GRIK4: variants seen among roughly 807,000 people sequenced by gnomAD.
GRIK4 encodes glutamate ionotropic receptor kainate type subunit 4.
A neutral mutation model predicts 104.9 loss-of-function variants in GRIK4; 40 were observed. The ratio of observed to expected loss-of-function variants is 0.38; its 90% CI spans 0.30 to 0.50. The LOEUF (loss-of-function observed/expected upper bound fraction) is 0.50, where lower values mean the gene tolerates loss of function less well. Among genes scored for constraint, GRIK4 ranks in the 20% least tolerant of loss-of-function variants. The pLI, the probability that GRIK4 is intolerant of heterozygous loss-of-function variation, is 0.93. For synonymous variants in GRIK4, 485 were observed against 524.9 expected, an observed-to-expected ratio of 0.92 and a Z score of 1.04; for missense variants, 1,047 against 1,308.1, an observed-to-expected ratio of 0.80 and a Z score of 3.08.
rs949123125 is a variant in GRIK4 at position 120,517,572 on chromosome 11, G to A, written c.-159+5685G>A. ...GAGGGTGATAGCTGTGCTACGCTGC[G>A]GGGTGTTGGGAGAGAGGACGCAGAT... On this transcript the variant is annotated intron_variant, in intron 1 of 20. Transcript: ENST00000527524. Among the ~76,000 whole-genome samples, 12 of 130,230 alleles carry A rather than the reference G, an allele frequency of 9.2e-5. 1 individual carries two copies. Among genetic ancestry groups the A allele is most frequent in the African/African-American group, 3.9e-4 (12 of 30,690 alleles). The allele number at this position is 130,230 out of a possible 152,430, so 85.4% of individuals were successfully genotyped here. A position where few individuals can be genotyped will look rare whatever the true frequency, so the allele number is the denominator to read the frequency against.
intron 13 of GRIK4, among the ~76,000 whole-genome samples, chr11:120,920,815 C>T (rs530722913): frequency 5.5e-4 from 84 of 151,766 alleles, no homozygotes; most frequent in Non-Finnish European, 1.1e-3. Context: ...CTTCAATGAG[C>T]ATAAACATTT....
chr11:120,846,711 G>C (rs2135591858), intron 8 of GRIK4, among the ~76,000 whole-genome samples: 1 of 152,312 alleles, frequency 6.6e-6, no homozygotes, highest in East Asian at 1.9e-4. Flanking sequence ...CTGACTGTGT[G>C]ATCTTGGACA....
At chr11:120,930,832 A>G (rs1943467412) in intron 13 of GRIK4, among the ~76,000 whole-genome samples, 1 of 151,950 alleles carries the variant, frequency 6.6e-6, no homozygotes, top group Non-Finnish European at 1.5e-5. Flanking sequence ...CTGGGAGAGG[A>G]GTGATGGAGA....
At chr11:120,814,937 G>A (rs1052478871) in intron 4 of GRIK4, among the ~76,000 whole-genome samples, 3 of 151,970 alleles carry the variant, frequency 2.0e-5, no homozygotes, top group African/African-American at 4.8e-5. Context: ...TCATACCCCC[G>A]CCTGCCTGCC....
At chr11:120,725,202 T>C (rs1039910061) in intron 3 of GRIK4, among the ~76,000 whole-genome samples, 4 of 152,232 alleles carry the variant, frequency 2.6e-5, no homozygotes, top group Admixed American at 1.3e-4. Context: ...CATTGCTCTT[T>C]ACAAGAGTTA....
At chr11:120,564,570 T>A (rs1210517439) in intron 1 of GRIK4, 1 of 152,288 alleles carries the variant, frequency 6.6e-6, no homozygotes, top group Non-Finnish European at 1.5e-5. Flanking sequence ...GCTCCCGGCC[T>A]CTCCCTGGGG....
intron 1 of GRIK4, among the ~76,000 whole-genome samples, chr11:120,605,363 G>C (rs1478001065): frequency 1.3e-5 from 2 of 152,236 alleles, no homozygotes; most frequent in Non-Finnish European, 2.9e-5. Context: ...CCCTCTCCAA[G>C]TGTACAGAAT....
chr11:120,693,174 G>T (rs1473337233), intron 3 of GRIK4, among the ~76,000 whole-genome samples: 3 of 149,788 alleles, frequency 2.0e-5, no homozygotes, highest in African/African-American at 4.9e-5. Flanking sequence ...GTGCAATCTT[G>T]GCTTACTGCA....
chr11:120,897,306 A>G (rs1286631776), intron 11 of GRIK4, among the ~76,000 whole-genome samples: 1 of 151,600 alleles, frequency 6.6e-6, no homozygotes, highest in Admixed American at 6.6e-5. Context: ...GAGACAGACA[A>G]CAGTAATGTA....
intron 3 of GRIK4, among the ~76,000 whole-genome samples, chr11:120,683,396 G>A (rs148358330): frequency 3.3e-5 from 5 of 152,290 alleles, no homozygotes; most frequent in Non-Finnish European, 7.3e-5. Flanking sequence ...GAGAGACCTT[G>A]GGGTAGGGGC....
intron 9 of GRIK4, chr11:120,872,058 G>A (rs1954624900): frequency 5.3e-6 from 2 of 378,060 alleles, no homozygotes; most frequent in Non-Finnish European, 1.1e-5. Context: ...GCCTTACTTA[G>A]TTCAGTCAAC....
At chr11:120,793,358 G>C (rs1302345037) in intron 3 of GRIK4, among the ~76,000 whole-genome samples, 2 of 152,090 alleles carry the variant, frequency 1.3e-5, no homozygotes, top group African/African-American at 4.8e-5. Context: ...GTCTGCATAG[G>C]AGGGGCGGGC....
chr11:120,905,181 C>T lies in GRIK4; in HGVS notation c.1273-109C>T. On this transcript the variant is annotated intron_variant, in intron 12 of 20. Coordinates refer to ENST00000527524, the MANE Select transcript of GRIK4 (RefSeq NM_014619.5). The surrounding 1 kb of genome is among the most constrained non-coding windows in gnomAD (Gnocchi z 5.1). ...GCCCATTACCCACGTCAGTTTCCTC[C>T]TTCTGCCCCATGTCCTCCCCGACCC... 3.8e-6 allele frequency: 3 copies of T among 796,366 alleles called. No individual in the cohort carries two copies. In the East Asian group the frequency reaches 7.3e-5, roughly 19 times the overall value. 49.3% of individuals were successfully genotyped at this position (796,366 alleles called of 1,614,324 possible). A position where few individuals can be genotyped will look rare whatever the true frequency, so the allele number is the denominator to read the frequency against.
chr11:120,684,683 C>T lies in GRIK4; in HGVS notation c.82+24283C>T, dbSNP rs536677553. Among the ~76,000 whole-genome samples, 237 of 151,804 alleles carry T rather than the reference C, an allele frequency of 1.6e-3. 1 individual carries two copies. Among genetic ancestry groups the T allele is most frequent in the African/African-American group, 5.3e-3 (221 of 41,414 alleles). ...AAAGCTTTTCTGTGCTTACCTGACA[C>T]GGTGATTCATCTTGGAGGAGTAAAT... On this transcript the variant is annotated intron_variant, in intron 3 of 20. Transcript: ENST00000527524.
intron 3 of GRIK4, among the ~76,000 whole-genome samples, chr11:120,664,972 ATACT>A (rs745834621): frequency 0.094 from 14,339 of 152,136 alleles, 741 homozygotes; most frequent in African/African-American, 0.13. Flanking sequence ...GATTTATTTT[ATACT>A]CTGTCTTACG....
At chr11:120,564,637 T>G (rs867490067) in intron 1 of GRIK4, 8 of 152,288 alleles carry the variant, frequency 5.3e-5, no homozygotes, top group Admixed American at 2.0e-4. Flanking sequence ...GGCCTGGAGG[T>G]GGCCGGGCAT....
At chr11:120,636,901 G>C (rs1949403642) in intron 1 of GRIK4, among the ~76,000 whole-genome samples, 1 of 152,170 alleles carries the variant, frequency 6.6e-6, no homozygotes, top group African/African-American at 2.4e-5. Flanking sequence ...CCTGGGTCCT[G>C]ATGTCCCTGA....
chr11:120,529,874 T>C (rs1330562104), intron 1 of GRIK4, among the ~76,000 whole-genome samples: 1 of 152,204 alleles, frequency 6.6e-6, no homozygotes, highest in South Asian at 2.1e-4. Flanking sequence ...GTTGACCTGT[T>C]TTATAGATGA....
chr11:120,928,679 C>A (rs1385841079), intron 13 of GRIK4, among the ~76,000 whole-genome samples: 3 of 152,172 alleles, frequency 2.0e-5, no homozygotes, highest in Admixed American at 6.5e-5. Context: ...TTCCTAAAAT[C>A]TGCCCTCTAT....
Sources: gnomAD v4.1 joint callset for allele counts (sites outside exome capture counted in the v4.1 genomes callset) on GRCh38, gnomAD v4.1.1 for gene constraint, Gnocchi (gnomAD v3.1) non-coding constraint, MANE v1.5 for transcripts, NCBI Gene and HGNC (gene_info 2026-07-23, HGNC 2026-07-21) for gene names.